The following ADGRL2 variants were observed in gnomAD, a reference collection of about 807,000 sequenced individuals.
ADGRL2 encodes the protein calcium-independent alpha-latrotoxin receptor 2.
ADGRL2 carries 44 observed loss-of-function variants against 157.4 expected under a neutral mutation model. The ratio of observed to expected loss-of-function variants is 0.28; its 90% CI spans 0.22 to 0.36. The LOEUF is 0.36. Ranked by LOEUF, ADGRL2 falls within the 10% of genes least tolerant of loss-of-function variation. The probability of loss-of-function intolerance (pLI) is 1.00; values close to 1 mark genes in which losing one functional copy is unlikely to be tolerated. For synonymous variants in ADGRL2, 585 were observed against 624.7 expected (o/e 0.94, Z 0.95); for missense variants, 1,510 against 1,768.9 (o/e 0.85, Z 2.63).
intron 2 of ADGRL2, among the ~76,000 whole-genome samples, chr1:81,540,587 G>A (rs776225202): frequency 1.3e-5 from 2 of 152,218 alleles, no homozygotes; most frequent in Non-Finnish European, 2.9e-5. Flanking sequence ...GGAGCTGCTT[G>A]TGCACATTGT....
At chr1:81,374,302 G>C (rs1252761331) in intron 1 of ADGRL2, among the ~76,000 whole-genome samples, 7 of 141,836 alleles carry the variant, frequency 4.9e-5, no homozygotes, top group African/African-American at 2.1e-4. Flanking sequence ...CAGGCATGGT[G>C]GCTCACGCCT....
chr1:81,347,075 A>G (rs1216830412), intron 1 of ADGRL2, among the ~76,000 whole-genome samples: 4 of 152,178 alleles, frequency 2.6e-5, no homozygotes, highest in Non-Finnish European at 5.9e-5. Flanking sequence ...TATAGTCACA[A>G]ATAGAATGTT....
At chr1:81,564,519 A>T (rs2080515640) in intron 2 of ADGRL2, among the ~76,000 whole-genome samples, 1 of 152,174 alleles carries the variant, frequency 6.6e-6, no homozygotes, top group African/African-American at 2.4e-5. Context: ...GCCTTGCCAC[A>T]TGCACCTCTC....
intron 3 of ADGRL2, among the ~76,000 whole-genome samples, chr1:81,625,376 C>T (rs12024094): frequency 0.11 from 16,069 of 152,058 alleles, 1,108 homozygotes; most frequent in East Asian, 0.26. Context: ...ATATTTAACA[C>T]GTGACAAAGA....
intron 2 of ADGRL2, among the ~76,000 whole-genome samples, chr1:81,863,613 G>A (rs573705774): frequency 1.2e-3 from 189 of 152,182 alleles, no homozygotes; most frequent in Non-Finnish European, 2.2e-3. Context: ...GGAAACCTTA[G>A]GATCTTGCTG....
intron 2 of ADGRL2, among the ~76,000 whole-genome samples, chr1:81,532,599 A>AG (rs34383019): frequency 1.9e-5 from 1 of 51,948 alleles, no homozygotes; most frequent in East Asian, 8.4e-4. Flanking sequence ...TCTGGAAACC[A>AG]AAAAAAAAAA....
intron 3 of ADGRL2, among the ~76,000 whole-genome samples, chr1:81,921,372 A>C (rs2094974254): frequency 6.6e-6 from 1 of 152,196 alleles, no homozygotes; most frequent in Non-Finnish European, 1.5e-5. Context: ...AAAACGTGTA[A>C]AAAATTTTAA....
intron 22 of ADGRL2, 33 bp from the exon 23 acceptor site, chr1:81,987,835 TG>T: frequency 3.2e-6 from 1 of 312,680 alleles, no homozygotes; most frequent in Non-Finnish European, 6.7e-6. Context: ...TTCATTCTCT[TG>T]TTTTTTTTCA....
At chr1:81,877,100 A>T (rs998173566) in intron 2 of ADGRL2, among the ~76,000 whole-genome samples, 1 of 152,140 alleles carries the variant, frequency 6.6e-6, no homozygotes, top group African/African-American at 2.4e-5. Flanking sequence ...TAAATTGTCC[A>T]TGATCAACAA....
chr1:81,614,486 A>C (rs181863276), intron 3 of ADGRL2, among the ~76,000 whole-genome samples: 96 of 152,266 alleles, frequency 6.3e-4, no homozygotes, highest in Middle Eastern at 6.8e-3. Context: ...TCTTTATTGC[A>C]TAGAAAGTAG....
chr1:81,442,495 A>G (rs2077525710), intron 1 of ADGRL2, among the ~76,000 whole-genome samples: 1 of 152,228 alleles, frequency 6.6e-6, no homozygotes, highest in African/African-American at 2.4e-5. Context: ...TTTTTTGAGC[A>G]TTTTCAACCA....
intron 1 of ADGRL2, among the ~76,000 whole-genome samples, chr1:81,356,391 C>A (rs368561474): frequency 7.9e-5 from 12 of 152,168 alleles, no homozygotes; most frequent in African/African-American, 2.2e-4. Flanking sequence ...GAATCAAATT[C>A]TGTGTCTTCT....
chr1:81,836,758 C>T (rs2092305192), intron 1 of ADGRL2, 127 bp from the exon 2 acceptor site: 1 of 405,010 alleles, frequency 2.5e-6, no homozygotes, highest in African/African-American at 2.1e-5. Context: ...ATAGGAGCAG[C>T]TTCCATAGTG....
Position 81,981,842 on chromosome 1 carries a change from C to A in ADGRL2, c.3148C>A (p.Leu1050Ile), listed in dbSNP as rs541553847. Residue 1050 changes from leucine to isoleucine, a missense_variant, in exon 19 of 24, where the codon CTT (leucine) becomes ATT (isoleucine). Around this residue, in one of 4 missense-constraint regions of ADGRL2, gnomAD observed 497 missense variants for 627.2 expected, o/e 0.79. Coordinates refer to ENST00000686636, the MANE Select transcript of ADGRL2 (RefSeq NM_001366006.2). ...WVLGAFALLC[L>I]LGLTWSFGLL... ...GCTTGGCGCTTTCGCTCTTCTGTGTCTTCTTGGCCTCACCTGGTCCTTTGG... is the reference window on the plus strand; with the variant it reads ...GCTTGGCGCTTTCGCTCTTCTGTGTATTCTTGGCCTCACCTGGTCCTTTGG... 6.2e-7 allele frequency: 1 copy of A among 1,611,878 alleles called. No homozygotes were observed. Among genetic ancestry groups the A allele is most frequent in the South Asian group, 1.1e-5 (1 of 90,946 alleles).
chr1:81,542,329 C>A (rs1186622228), intron 2 of ADGRL2, among the ~76,000 whole-genome samples: 1 of 152,180 alleles, frequency 6.6e-6, no homozygotes, highest in Non-Finnish European at 1.5e-5. Context: ...TCCCAGAGTG[C>A]CTTTTGCAGG....
chr1:81,545,388 G>C (rs2079990986), intron 2 of ADGRL2, among the ~76,000 whole-genome samples: 1 of 151,642 alleles, frequency 6.6e-6, no homozygotes, highest in Non-Finnish European at 1.5e-5. Flanking sequence ...CCAGGTTCAA[G>C]TGATTCTCCT....
At chr1:81,530,565 T>A (rs1324488853) in intron 2 of ADGRL2, among the ~76,000 whole-genome samples, 1 of 151,906 alleles carries the variant, frequency 6.6e-6, no homozygotes, top group East Asian at 2.0e-4. Flanking sequence ...CCCAGGCTGG[T>A]CTCCAACTCC....
chr1:81,448,093 C>G (rs2077632306), intron 2 of ADGRL2, among the ~76,000 whole-genome samples: 1 of 151,402 alleles, frequency 6.6e-6, no homozygotes, highest in South Asian at 2.1e-4. Context: ...GCCTGCGGAA[C>G]CATGAGCCAA....
At position 81,463,251 on chromosome 1, in the gene ADGRL2, C is replaced by T. The variant is rs139787291; in HGVS notation, c.-248+18162C>T. Among the ~76,000 whole-genome samples, 1,023 of 151,868 alleles carry T rather than the reference C, an allele frequency of 6.7e-3. 15 individuals carry two copies. Among genetic ancestry groups the T allele is most frequent in the African/African-American group, 0.024 (980 of 41,392 alleles). On this transcript the variant is annotated intron_variant, in intron 2 of 24. Coordinates refer to the ADGRL2 transcript ENST00000370721. ...TGTCAGACAGATGTGGGTTGGATTCCTTCCTCCTTTGCTAGATGCACCTGT... is the reference window on the plus strand; with the variant it reads ...TGTCAGACAGATGTGGGTTGGATTCTTTCCTCCTTTGCTAGATGCACCTGT...
Sources: gnomAD v4.1 joint callset for allele counts (sites outside exome capture counted in the v4.1 genomes callset) on GRCh38, gnomAD v4.1.1 for gene constraint, gnomAD v4.1.1 regional missense constraint, MANE v1.5 for transcripts, NCBI Gene and HGNC (gene_info 2026-07-23, HGNC 2026-07-21) for gene names.